Variants in CTNNBL1 observed in about 807,000 individuals in gnomAD.
The protein encoded by CTNNBL1 is beta-catenin-like protein 1.
CTNNBL1 carries 31 observed loss-of-function variants against 72.7 expected under a neutral mutation model. The observed-to-expected ratio is 0.43, with a 90% CI of 0.32 to 0.58. The LOEUF is 0.58. Ranked by LOEUF, CTNNBL1 falls within the 20% of genes least tolerant of loss-of-function variation. CTNNBL1 has a pLI of 0.08. For missense variants in CTNNBL1, 534 were observed against 725.1 expected (o/e 0.74, Z 3.03); for synonymous variants, 240 against 267.3 (o/e 0.90, Z 1.00).
chr20:37,694,512 A>G (rs978757445), intron 1 of CTNNBL1, among the ~76,000 whole-genome samples: 2 of 152,002 alleles, frequency 1.3e-5, no homozygotes, highest in African/African-American at 4.8e-5. Context: ...CACTGGTCTC[A>G]CTTGGATTTG....
chr20:37,701,419 A>C (rs1325083403), intron 1 of CTNNBL1, among the ~76,000 whole-genome samples: 1 of 152,198 alleles, frequency 6.6e-6, no homozygotes, highest in Non-Finnish European at 1.5e-5. Context: ...TAAAATTATT[A>C]TGACATGGAC....
intron 4 of CTNNBL1, among the ~76,000 whole-genome samples, chr20:37,748,394 T>A (rs2122628407): frequency 6.6e-6 from 1 of 152,180 alleles, no homozygotes; most frequent in African/African-American, 2.4e-5. Context: ...GGGTTCTGGG[T>A]TGTATAAGAA....
intron 1 of CTNNBL1, among the ~76,000 whole-genome samples, chr20:37,723,184 A>G (rs575794321): frequency 7.2e-5 from 11 of 152,348 alleles, no homozygotes; most frequent in African/African-American, 2.6e-4. Context: ...TGGTGAGATG[A>G]ATATATATTC....
chr20:37,862,625 G>A (rs1275680003), intron 15 of CTNNBL1, among the ~76,000 whole-genome samples: 5 of 152,162 alleles, frequency 3.3e-5, no homozygotes, highest in Non-Finnish European at 7.3e-5. Context: ...CAAGCGAGCA[G>A]GTGAGCGAAC....
chr20:37,859,271 C>G (rs145221381), intron 13 of CTNNBL1, among the ~76,000 whole-genome samples: 1 of 151,556 alleles, frequency 6.6e-6, no homozygotes, highest in African/African-American at 2.4e-5. Context: ...GCAGGAGAAT[C>G]GCATGAACCA....
chr20:37,746,785 C>G, intron 4 of CTNNBL1, 178 bp downstream of exon 4: 1 of 863,936 alleles, frequency 1.2e-6, no homozygotes, highest in Non-Finnish European at 1.9e-6. Flanking sequence ...CCTGGTTTTT[C>G]TCTATTAACA....
rs2072783408 is a variant in CTNNBL1 at position 37,695,548 on chromosome 20, A to G, written c.30+1396A>G. On this transcript the variant is annotated intron_variant, in intron 1 of 15. Transcript: ENST00000361383. ...TTTTAACTGCCCCTCTTGACATTTT[A>G]ATGTGTTTACTAGAAAATTTAAAAC... 2.0e-5 allele frequency among the ~76,000 whole-genome samples: 3 copies of G among 152,214 alleles called. No homozygotes were observed. In the South Asian group the frequency reaches 6.2e-4, roughly 31 times the overall value.
intron 11 of CTNNBL1, among the ~76,000 whole-genome samples, chr20:37,831,574 G>T (rs1370947125): frequency 6.6e-6 from 1 of 152,054 alleles, no homozygotes; most frequent in Non-Finnish European, 1.5e-5. Flanking sequence ...TACCATGTTA[G>T]CCCGGGTGGT....
intron 5 of CTNNBL1, among the ~76,000 whole-genome samples, chr20:37,763,900 A>G (rs954928377): frequency 6.6e-6 from 1 of 152,316 alleles, no homozygotes; most frequent in East Asian, 1.9e-4. Context: ...TGTTCCATCA[A>G]TTTATTTAAA....
In CTNNBL1 at chr20:37,858,384, C is replaced by T. The variant is rs543425573; in HGVS notation, c.1393-1515C>T. ...GAAGATGATGGGGAGGAGAGGAGGT[C>T]ATGTTGCAGAGTGGTTTGTCAAGGT... On this transcript the variant is annotated intron_variant, in intron 13 of 15. Transcript: ENST00000361383. Among the ~76,000 whole-genome samples, 7 of 152,280 alleles carry T rather than the reference C, an allele frequency of 4.6e-5. No individual in the cohort carries two copies. The East Asian group carries it at 1.3e-3, about 29-fold the overall frequency.
At chr20:37,853,507 C>G (rs993243684) in intron 13 of CTNNBL1, among the ~76,000 whole-genome samples, 5 of 152,196 alleles carry the variant, frequency 3.3e-5, no homozygotes, top group Non-Finnish European at 7.3e-5. Context: ...GAAGTTCTTT[C>G]AGATGGCCAG....
intron 3 of CTNNBL1, among the ~76,000 whole-genome samples, chr20:37,739,135 AT>A (rs2073193707): frequency 6.6e-6 from 1 of 151,956 alleles, no homozygotes; most frequent in Non-Finnish European, 1.5e-5. Flanking sequence ...CAAGTAATGC[AT>A]GAATAGATTG....
chr20:37,840,253 T>C lies in CTNNBL1; in HGVS notation c.1311+54T>C. The C allele has an allele frequency of 3.1e-6, 4 of 1,308,852 alleles. No individual in the cohort carries two copies. The Middle Eastern group carries it at 5.5e-4, about 179-fold the overall frequency. 81.1% of individuals were successfully genotyped at this position (1,308,852 alleles called of 1,614,324 possible). A position where few individuals can be genotyped will look rare whatever the true frequency, so the allele number is the denominator to read the frequency against. On this transcript the variant is annotated intron_variant, in intron 12 of 15. Coordinates refer to ENST00000361383, the MANE Select transcript of CTNNBL1 (RefSeq NM_030877.5). ...GACCGGGACTGATAGAAAGGCTCTT[T>C]ACCTGATGTGATCTGAGGGATACTG...
intron 15 of CTNNBL1, among the ~76,000 whole-genome samples, chr20:37,870,466 C>G (rs1192495529): frequency 6.6e-6 from 1 of 152,150 alleles, no homozygotes; most frequent in African/African-American, 2.4e-5. Context: ...CTCCCCAATG[C>G]TCTTGTCATA....
intron 2 of CTNNBL1, among the ~76,000 whole-genome samples, chr20:37,734,094 G>C (rs2073152578): frequency 6.6e-6 from 1 of 152,170 alleles, no homozygotes; most frequent in Non-Finnish European, 1.5e-5. Flanking sequence ...AGTCTTAAGA[G>C]CCAGCTGTTT....
Position 37,802,854 on chromosome 20 carries a change from CTT to C in CTNNBL1, c.1032-10_1032-9del. 1 of 1,590,432 alleles carries C rather than the reference CTT, an allele frequency of 6.3e-7. No individual in the cohort carries two copies. The highest frequency in any genetic ancestry group is 8.6e-7 in the Non-Finnish European group (1 of 1,166,190). On this transcript the variant is annotated splice_polypyrimidine_tract_variant and intron_variant, in intron 10 of 15. Transcript: ENST00000361383. ...CCATGAAATACCTTATCTGAAACCT[CTT>C]TTGTTCACAGGGAAAAGAAGATCTC...
chr20:37,777,218 T>C, intron 7 of CTNNBL1, 127 bp from the exon 8 acceptor site: 1 of 715,828 alleles, frequency 1.4e-6, no homozygotes, highest in South Asian at 1.7e-5. Context: ...TTTTTACCCT[T>C]AACTGCCTTT....
chr20:37,734,409 C>T (rs1179319077), intron 2 of CTNNBL1, among the ~76,000 whole-genome samples: 1 of 152,214 alleles, frequency 6.6e-6, no homozygotes, highest in African/African-American at 2.4e-5. Context: ...CTTCCCTCCT[C>T]ACCAGCTTCT....
intron 7 of CTNNBL1, among the ~76,000 whole-genome samples, chr20:37,772,863 C>G (rs2073538067): frequency 6.6e-6 from 1 of 152,114 alleles, no homozygotes; most frequent in Non-Finnish European, 1.5e-5. Flanking sequence ...TACTGGTAGC[C>G]TAGCAGTATA....
Sources: gnomAD v4.1 joint callset for allele counts (sites outside exome capture counted in the v4.1 genomes callset) on GRCh38, gnomAD v4.1.1 for gene constraint, MANE v1.5 for transcripts, NCBI Gene and HGNC (gene_info 2026-07-23, HGNC 2026-07-21) for gene names.